KAZN: variants seen among roughly 807,000 people sequenced by gnomAD.
KAZN encodes kazrin.
Under a neutral mutation model 87.4 loss-of-function variants are expected in KAZN, and 40 were observed. The observed-to-expected ratio is 0.46, with a 90% CI of 0.36 to 0.60. The LOEUF (loss-of-function observed/expected upper bound fraction) is 0.60. KAZN is among the 20% of genes least tolerant of loss of function. The pLI is 0.00. For synonymous variants in KAZN, 466 were observed against 458.3 expected, an observed-to-expected ratio of 1.02 and a Z score of -0.22; for missense variants, 898 against 1,073.9, an observed-to-expected ratio of 0.84 and a Z score of 2.29.
At chr1:14,521,188 G>T (rs1671566560) in intron 2 of KAZN, among the ~76,000 whole-genome samples, 1 of 152,208 alleles carries the variant, frequency 6.6e-6, no homozygotes, top group Admixed American at 6.5e-5. Flanking sequence ...CAGGCTTGGG[G>T]GCAGGGGTCT....
chr1:14,661,662 CG>C (rs35859688), intron 1 of KAZN, among the ~76,000 whole-genome samples: 35 of 49,810 alleles, frequency 7.0e-4, no homozygotes, highest in African/African-American at 2.2e-3. Context: ...GATTGGGGGA[CG>C]GGGGGGCGGG....
At chr1:15,019,093 T>C (rs1201729029) in intron 2 of KAZN, among the ~76,000 whole-genome samples, 1 of 152,052 alleles carries the variant, frequency 6.6e-6, no homozygotes, top group Non-Finnish European at 1.5e-5. Context: ...CCATACTGGG[T>C]CTGTGAGAGG....
chr1:14,638,968 G>T (rs1680216276), intron 1 of KAZN, among the ~76,000 whole-genome samples: 1 of 152,172 alleles, frequency 6.6e-6, no homozygotes, highest in Non-Finnish European at 1.5e-5. Flanking sequence ...GCTCCCTGTT[G>T]TCCTCCAACC....
chr1:13,905,811 A>G (rs1639415466), intron 1 of KAZN, among the ~76,000 whole-genome samples: 1 of 152,146 alleles, frequency 6.6e-6, no homozygotes, highest in Non-Finnish European at 1.5e-5. Flanking sequence ...TTAATTTCCT[A>G]TAGCCATTAT....
At chr1:14,218,635 C>A (rs1411204251) in intron 2 of KAZN, among the ~76,000 whole-genome samples, 1 of 151,862 alleles carries the variant, frequency 6.6e-6, no homozygotes, top group Admixed American at 6.6e-5. Context: ...AACTGAAGCT[C>A]AATAAATATG....
chr1:14,020,893 G>A (rs146004229), intron 1 of KAZN, among the ~76,000 whole-genome samples: 6 of 152,264 alleles, frequency 3.9e-5, no homozygotes, highest in African/African-American at 1.4e-4. Context: ...TCCTTTAGAT[G>A]AGTCTTTGGA....
At chr1:14,087,724 G>C (rs1315970472) in intron 1 of KAZN, among the ~76,000 whole-genome samples, 2 of 151,854 alleles carry the variant, frequency 1.3e-5, no homozygotes, top group Non-Finnish European at 2.9e-5. Context: ...CGGTTTTTCT[G>C]TTTTAGTATG....
intron 2 of KAZN, among the ~76,000 whole-genome samples, chr1:14,468,666 G>A (rs1668289284): frequency 6.6e-6 from 1 of 152,192 alleles, no homozygotes; most frequent in African/African-American, 2.4e-5. Flanking sequence ...AGCTAAATTA[G>A]GGGTATTGGA....
intron 2 of KAZN, among the ~76,000 whole-genome samples, chr1:14,442,063 C>G (rs1049682126): frequency 7.2e-5 from 11 of 152,146 alleles, no homozygotes; most frequent in Non-Finnish European, 1.6e-4. Context: ...AGGCTTTGTC[C>G]CCCTGCAGGG....
intron 2 of KAZN, among the ~76,000 whole-genome samples, chr1:14,407,206 T>G (rs1218429720): frequency 6.6e-6 from 1 of 152,222 alleles, no homozygotes; most frequent in Non-Finnish European, 1.5e-5. Flanking sequence ...AATGCTCCTG[T>G]GAACTCTTGT....
chr1:14,241,366 G>A (rs971825966), intron 2 of KAZN, among the ~76,000 whole-genome samples: 2 of 152,154 alleles, frequency 1.3e-5, no homozygotes, highest in Admixed American at 6.5e-5. Context: ...GCACTGGAAG[G>A]TCTGACTCTC....
intron 2 of KAZN, among the ~76,000 whole-genome samples, chr1:14,419,630 T>A (rs191430305): frequency 6.6e-6 from 1 of 152,202 alleles, no homozygotes; most frequent in Non-Finnish European, 1.5e-5. Flanking sequence ...GTGTCCGGAG[T>A]TTGTTCCTTC....
intron 8 of KAZN, chr1:15,067,504 C>T: frequency 2.0e-6 from 2 of 985,476 alleles, no homozygotes; most frequent in Non-Finnish European, 2.4e-6. Context: ...TCTTTTGCTT[C>T]TGCTCGTCCT....
chr1:14,905,589 T>G (rs1052112392), intron 1 of KAZN, among the ~76,000 whole-genome samples: 6 of 152,226 alleles, frequency 3.9e-5, no homozygotes, highest in Non-Finnish European at 8.8e-5. Flanking sequence ...CTCACGCCTA[T>G]AATCCCAGCA....
chr1:14,814,831 A>G (rs1360049069), intron 1 of KAZN, among the ~76,000 whole-genome samples: 1 of 152,184 alleles, frequency 6.6e-6, no homozygotes. Flanking sequence ...TCCTTAGTGG[A>G]CATTTTGGAA....
intron 2 of KAZN, among the ~76,000 whole-genome samples, chr1:15,025,186 GA>G (rs1353478059): frequency 2.0e-5 from 3 of 152,140 alleles, no homozygotes; most frequent in African/African-American, 7.2e-5. Flanking sequence ...GTTGGGAGTG[GA>G]CATGAAAATA....
intron 1 of KAZN, among the ~76,000 whole-genome samples, chr1:14,673,197 G>C (rs759100408): frequency 1.3e-5 from 2 of 152,300 alleles, no homozygotes; most frequent in Non-Finnish European, 1.5e-5. Context: ...CACTGTCCCT[G>C]TGTCCCATCA....
At position 14,470,587 on chromosome 1, in the gene KAZN, CAG is replaced by C. The variant is rs201773092; in HGVS notation, c.250-128385_250-128384del. 5.1e-4 allele frequency among the ~76,000 whole-genome samples: 78 copies of C among 152,060 alleles called. 2 individuals carry two copies. Among genetic ancestry groups the C allele is most frequent in the African/African-American group, 1.8e-3 (75 of 41,496 alleles). ...ATTAGCCAACAATTTGGACCCTATG[CAG>C]AGAGAGAGAGGATATATTTTTCTTC... On this transcript the variant is annotated intron_variant, in intron 2 of 16. Coordinates refer to the KAZN transcript ENST00000636203.
intron 2 of KAZN, among the ~76,000 whole-genome samples, chr1:14,986,206 G>A (rs561714021): frequency 1.1e-4 from 16 of 152,098 alleles, no homozygotes; most frequent in African/African-American, 2.2e-4. Flanking sequence ...ACCTGCGTTC[G>A]ATGATATTAT....
Sources: allele counts gnomAD v4.1 joint callset (sites outside exome capture counted in the v4.1 genomes callset), GRCh38; gene constraint gnomAD v4.1.1; transcripts MANE v1.5; gene names NCBI Gene and HGNC (gene_info 2026-07-23, HGNC 2026-07-21).